The following EYS variants were observed in gnomAD, a reference collection of about 807,000 sequenced individuals.
The protein encoded by EYS is EGF-like photoreceptor maintenance factor.
A neutral mutation model predicts 282.1 loss-of-function variants in EYS; 250 were observed. The ratio of observed to expected loss-of-function variants is 0.89; its 90% CI spans 0.80 to 0.98. EYS has a LOEUF of 0.98. EYS is among the 50% of genes least tolerant of loss of function. The probability of loss-of-function intolerance (pLI) is 0.00; values close to 1 mark genes in which losing one functional copy is unlikely to be tolerated. For missense variants in EYS, 4,016 were observed against 3,709.0 expected (o/e 1.08, Z -2.15); for synonymous variants, 1,355 against 1,282.9 (o/e 1.06, Z -1.20).
intron 26 of EYS, among the ~76,000 whole-genome samples, chr6:64,456,413 A>G (rs1020959917): frequency 2.6e-5 from 4 of 152,034 alleles, no homozygotes; most frequent in African/African-American, 9.7e-5. Flanking sequence ...TAGTTACAAC[A>G]GGTCAATTTT....
intron 2 of EYS, among the ~76,000 whole-genome samples, chr6:65,590,810 GT>G (rs531645037): frequency 0.01 from 1,456 of 143,530 alleles, 19 homozygotes; most frequent in African/African-American, 0.034. Flanking sequence ...GAATTTTAAT[GT>G]TTTTTTTTTA....
Position 65,093,926 on chromosome 6 carries a change from A to C in EYS, c.2024-36199T>G, listed in dbSNP as rs116419834. ...AAGGACTAACACAGGCTAAAAGTCA[A>C]GAGATGGAGAAAGATATCCCATGCA... is the stretch of plus-strand genomic sequence containing the variant. On this transcript the variant is annotated intron_variant, in intron 12 of 42. Transcript: ENST00000503581. 3.8e-3 allele frequency among the ~76,000 whole-genome samples: 571 copies of C among 151,882 alleles called. 7 individuals carry two copies. Among genetic ancestry groups the C allele is most frequent in the African/African-American group, 0.013 (537 of 41,544 alleles).
At chr6:64,846,760 A>G (rs1336829922) in intron 19 of EYS, among the ~76,000 whole-genome samples, 1 of 152,116 alleles carries the variant, frequency 6.6e-6, no homozygotes, top group African/African-American at 2.4e-5. Flanking sequence ...TGATGTGGTA[A>G]TGCAGTGAAT....
Position 64,912,470 on chromosome 6 carries a change from A to G in EYS, c.2641+14T>C, listed in dbSNP as rs372422410. On this transcript the variant is annotated intron_variant, in intron 16 of 42. Transcript: ENST00000503581. The stretch of plus-strand genomic sequence containing the variant: ...TAATTATTTAAAAACAATAAAATCC[A>G]TATTAGCTCTTACCTTCTCTACAAA... The G allele has an allele frequency of 4.5e-6, 7 of 1,548,246 alleles. No individual in the cohort carries two copies. The highest frequency in any genetic ancestry group is 2.4e-5 in the South Asian group (2 of 83,974).
chr6:65,674,627 T>C (rs1167460575), intron 1 of EYS, among the ~76,000 whole-genome samples: 1 of 151,940 alleles, frequency 6.6e-6, no homozygotes, highest in Admixed American at 6.6e-5. Context: ...GATTACTATA[T>C]GGAACAAATC....
intron 28 of EYS, among the ~76,000 whole-genome samples, chr6:64,427,421 C>A (rs1003171352): frequency 6.6e-6 from 1 of 152,178 alleles, no homozygotes; most frequent in South Asian, 2.1e-4. Context: ...TCCATGTAGG[C>A]TCTAGTCAAT....
At chr6:65,320,987 C>G (rs967987765) in intron 11 of EYS, among the ~76,000 whole-genome samples, 2 of 152,180 alleles carry the variant, frequency 1.3e-5, no homozygotes, top group Non-Finnish European at 2.9e-5. Flanking sequence ...CAATTGTTTT[C>G]CCCTTCTTTT....
intron 35 of EYS, among the ~76,000 whole-genome samples, chr6:63,981,419 G>T (rs1298605172): frequency 4.0e-5 from 6 of 151,782 alleles, no homozygotes; most frequent in Admixed American, 4.0e-4. Context: ...CCACTGTATT[G>T]CATGTTGAAG....
chr6:63,932,063 C>T (rs149771224), intron 35 of EYS, among the ~76,000 whole-genome samples: 80 of 152,188 alleles, frequency 5.3e-4, no homozygotes, highest in African/African-American at 1.6e-3. Flanking sequence ...TGTGAACATG[C>T]GGTTCACATA....
chr6:65,131,544 A>T (rs1775877935), intron 12 of EYS, among the ~76,000 whole-genome samples: 1 of 152,018 alleles, frequency 6.6e-6, no homozygotes, highest in Non-Finnish European at 1.5e-5. Context: ...GAGAACAAAG[A>T]TACAACACGT....
chr6:64,519,932 A>G (rs1777678569), intron 26 of EYS, among the ~76,000 whole-genome samples: 1 of 151,826 alleles, frequency 6.6e-6, no homozygotes, highest in Non-Finnish European at 1.5e-5. Context: ...AGAAACAGTG[A>G]CTGAAACTAC....
At chr6:64,090,260 C>T (rs1352654225) in intron 31 of EYS, among the ~76,000 whole-genome samples, 2 of 152,074 alleles carry the variant, frequency 1.3e-5, no homozygotes, top group Non-Finnish European at 2.9e-5. Flanking sequence ...CTCATTTGTT[C>T]CTATAACTTT....
At chr6:65,657,564 T>A (rs1767869865) in intron 1 of EYS, among the ~76,000 whole-genome samples, 1 of 151,896 alleles carries the variant, frequency 6.6e-6, no homozygotes, top group South Asian at 2.1e-4. Flanking sequence ...AAGATGTGAC[T>A]GAATTGCTGT....
rs34778588 is a variant in EYS at position 64,800,567 on chromosome 6, C to CT, written c.3443+12810dup. Among the ~76,000 whole-genome samples, 765 of 145,494 alleles carry CT rather than the reference C, an allele frequency of 5.3e-3. 6 individuals carry two copies. Among genetic ancestry groups the CT allele is most frequent in the African/African-American group, 0.018 (700 of 39,718 alleles). On this transcript the variant is annotated intron_variant, in intron 22 of 42. Coordinates refer to ENST00000503581, the MANE Select transcript of EYS (RefSeq NM_001142800.2). ...ATCTAATTTTTTTTTCCAAAGGAAG[C>CT]TTTTTTTTTTTTTAAAGTTTAGTCT...
At position 65,296,086 on chromosome 6, in the gene EYS, C is replaced by A. The variant is rs794727056; in HGVS notation, c.1800G>T (p.Leu600Phe). 7 of 1,550,022 alleles carry A rather than the reference C, an allele frequency of 4.5e-6. No individual in the cohort carries two copies. The Admixed American group carries it at 1.2e-4, about 26-fold the overall frequency. ...CSCSLSYIGR[L>F]CVVNVDYCLG... ...AGCAATAGTCAACATTGACAACACA[C>A]AATCTGCCAATGTAACTAAGAGAAC... The change falls in exon 12 of 43, where the codon TTG becomes TTT. Residue 600 changes from leucine (L) to phenylalanine (F), a missense_variant. Coordinates refer to ENST00000503581, the MANE Select transcript of EYS (RefSeq NM_001142800.2).
chr6:64,257,342 T>C (rs1767435003), intron 30 of EYS, among the ~76,000 whole-genome samples: 1 of 152,058 alleles, frequency 6.6e-6, no homozygotes, highest in African/African-American at 2.4e-5. Flanking sequence ...TTCTCCCTTT[T>C]TCTATTTAGT....
At chr6:64,877,213 A>T (rs551383577) in intron 19 of EYS, among the ~76,000 whole-genome samples, 1 of 152,274 alleles carries the variant, frequency 6.6e-6, no homozygotes, top group Admixed American at 6.5e-5. Flanking sequence ...GGCCTGAGAA[A>T]CTGGGTAATA....
chr6:64,057,364 A>G (rs1245136612), intron 33 of EYS, among the ~76,000 whole-genome samples: 1 of 151,074 alleles, frequency 6.6e-6, no homozygotes, highest in African/African-American at 2.4e-5. Context: ...CTTTAGCTTC[A>G]TTTATAAAGT....
At chr6:65,679,882 G>A (rs1018352144) in intron 1 of EYS, among the ~76,000 whole-genome samples, 1 of 151,814 alleles carries the variant, frequency 6.6e-6, no homozygotes, top group Non-Finnish European at 1.5e-5. Flanking sequence ...TTCTCACAAA[G>A]TGTGGTCTGC....
Sources: allele counts gnomAD v4.1 joint callset (sites outside exome capture counted in the v4.1 genomes callset), GRCh38; gene constraint gnomAD v4.1.1; transcripts MANE v1.5; gene names NCBI Gene and HGNC (gene_info 2026-07-23, HGNC 2026-07-21).